PDE3B: variants seen among roughly 807,000 people sequenced by gnomAD.
PDE3B encodes cGMP-inhibited 3',5'-cyclic phosphodiesterase 3B.
A neutral mutation model predicts 116.8 loss-of-function variants in PDE3B; 66 were observed. That is an observed-to-expected ratio of 0.56 (90% CI 0.46 to 0.69). The LOEUF is 0.69. Ranked by LOEUF, PDE3B falls within the 30% of genes least tolerant of loss-of-function variation. The pLI is 0.00. For missense variants in PDE3B, 1,384 were observed against 1,368.1 expected (o/e 1.01, Z -0.18); for synonymous variants, 595 against 533.6 (o/e 1.12, Z -1.59).
chr11:14,834,887 A>T (rs1860005977), intron 10 of PDE3B, 95 bp from the exon 11 acceptor site: 2 of 553,180 alleles, frequency 3.6e-6, no homozygotes, highest in African/African-American at 1.9e-5. Context: ...AGTCTGTCAC[A>T]TCTTTTTTAT....
chr11:14,856,827 C>T (rs1162209429), intron 12 of PDE3B, among the ~76,000 whole-genome samples: 2 of 149,234 alleles, frequency 1.3e-5, no homozygotes, highest in Non-Finnish European at 3.0e-5. Context: ...GCACTCTAGC[C>T]TGGGCAACAG....
chr11:14,667,509 TA>T (rs553034083), intron 1 of PDE3B, among the ~76,000 whole-genome samples: 3 of 151,062 alleles, frequency 2.0e-5, no homozygotes, highest in African/African-American at 7.3e-5. Flanking sequence ...TATGCAGCCA[TA>T]AAAAAGGATG....
chr11:14,792,797 C>G (rs968028412), intron 4 of PDE3B, among the ~76,000 whole-genome samples: 1 of 152,144 alleles, frequency 6.6e-6, no homozygotes, highest in Non-Finnish European at 1.5e-5. Context: ...TGGAATAGAT[C>G]TCAACTTCAG....
chr11:14,802,421 C>A (rs889435945), intron 4 of PDE3B, among the ~76,000 whole-genome samples: 2 of 152,150 alleles, frequency 1.3e-5, no homozygotes, highest in African/African-American at 4.8e-5. Flanking sequence ...CAACCTCTTG[C>A]CCTTCCCAAG....
the PDE3B span, chr11:14,890,772 T>G: frequency 1.5e-6 from 1 of 673,632 alleles, no homozygotes; most frequent in Non-Finnish European, 1.8e-6. Context: ...ACGGTCTCGA[T>G]CTCCTGATTT....
intron 2 of PDE3B, among the ~76,000 whole-genome samples, chr11:14,777,793 G>A (rs1285883963): frequency 6.6e-6 from 1 of 152,152 alleles, no homozygotes; most frequent in Non-Finnish European, 1.5e-5. Context: ...TCTGGGGCTT[G>A]TCAGACATGG....
chr11:14,867,676 T>C lies in PDE3B; in HGVS notation c.3057T>C (p.Asp1019=). Residue 1019 remains aspartate (D), a synonymous_variant, in exon 15 of 16, where the codon GAT becomes GAC. Transcript: ENST00000282096. ...GTCAGTGGTTAGAAGCAGAAGAGGA[T>C]AATGATACTGAAAGTGGTGATGATG... The part of the protein sequence containing the change: ...LPGQWLEAEE[D]NDTESGDDED... 6.2e-7 allele frequency: 1 copy of C among 1,613,978 alleles called. No homozygotes were observed. The highest frequency in any genetic ancestry group is 8.5e-7 in the Non-Finnish European group (1 of 1,179,860).
chr11:14,878,004 G>T, the PDE3B span: 1 of 1,037,224 alleles, frequency 9.6e-7, no homozygotes, highest in Non-Finnish European at 1.5e-6. Context: ...ACACATCTGT[G>T]TTCATTTGGC....
At chr11:14,878,338 A>T in the PDE3B span, 4 of 1,581,936 alleles carry the variant, frequency 2.5e-6, no homozygotes, top group Middle Eastern at 1.7e-4. Context: ...TTAAACCCAC[A>T]ATCTTTACCA....
intron 3 of PDE3B, among the ~76,000 whole-genome samples, chr11:14,788,359 T>C (rs1858276309): frequency 6.6e-6 from 1 of 151,924 alleles, no homozygotes; most frequent in Non-Finnish European, 1.5e-5. Context: ...GATATTAACA[T>C]AAAGGACTTT....
chr11:14,667,424 TAAAGTA>T (rs1565082343), intron 1 of PDE3B, among the ~76,000 whole-genome samples: 1 of 149,230 alleles, frequency 6.7e-6, no homozygotes, highest in Non-Finnish European at 1.5e-5. Flanking sequence ...CCCTAAAACT[TAAAGTA>T]TAATAATAAT....
chr11:14,675,705 A>T (rs939795962), intron 1 of PDE3B, among the ~76,000 whole-genome samples: 1 of 152,136 alleles, frequency 6.6e-6, no homozygotes, highest in Admixed American at 6.5e-5. Flanking sequence ...GAATATATTC[A>T]ATGAATATGT....
At position 14,644,860 on chromosome 11, in the gene PDE3B, G is replaced by A; in HGVS notation, c.785G>A (p.Gly262Glu). 8 of 1,613,698 alleles carry A rather than the reference G, an allele frequency of 5.0e-6. No individual in the cohort carries two copies. Among genetic ancestry groups the A allele is most frequent in the Non-Finnish European group, 6.8e-6 (8 of 1,179,814 alleles). ...GGCGCTGGCTGCCTGCTGGCCCTGG[G>A]GTTGGATCACTTCTTTCAAATCAGG... ...VGGAGCLLAL[G>E]LDHFFQIREA... Residue 262 changes from glycine to glutamate, a missense_variant, in exon 1 of 16, where the codon GGG becomes GAG. Gly to Glu is a moderately conservative substitution (Grantham distance 98). This residue lies in a region of PDE3B where 956 missense variants were observed against 806.8 expected (regional missense o/e 1.18). Coordinates refer to ENST00000282096, the MANE Select transcript of PDE3B (RefSeq NM_000922.4).
chr11:14,704,465 G>A (rs1017763730), intron 1 of PDE3B, among the ~76,000 whole-genome samples: 2 of 151,670 alleles, frequency 1.3e-5, no homozygotes, highest in South Asian at 2.1e-4. Flanking sequence ...CAAAATGTAT[G>A]TGGAAAGACA....
chr11:14,743,325 C>T (rs926196687), intron 1 of PDE3B, among the ~76,000 whole-genome samples: 1 of 152,124 alleles, frequency 6.6e-6, no homozygotes, highest in Non-Finnish European at 1.5e-5. Flanking sequence ...TGGGCTCCAC[C>T]CAGTTTGAAC....
intron 12 of PDE3B, among the ~76,000 whole-genome samples, chr11:14,850,145 AT>A (rs1217743168): frequency 2.6e-5 from 4 of 152,076 alleles, no homozygotes; most frequent in Non-Finnish European, 4.4e-5. Context: ...ACACCATGGA[AT>A]ACTATGCAGC....
intron 2 of PDE3B, chr11:14,774,541 A>C (rs1355062291): frequency 6.6e-6 from 1 of 152,192 alleles, no homozygotes; most frequent in Admixed American, 6.6e-5. Context: ...TGCCGTCCCC[A>C]GTGCTTCTCA....
At chr11:14,690,486 G>C (rs942609105) in intron 1 of PDE3B, among the ~76,000 whole-genome samples, 2 of 152,070 alleles carry the variant, frequency 1.3e-5, no homozygotes, top group African/African-American at 2.4e-5. Flanking sequence ...AAGTGTGTCA[G>C]GGAGTTTATT....
intron 1 of PDE3B, among the ~76,000 whole-genome samples, chr11:14,715,333 CTA>C: frequency 6.6e-6 from 1 of 152,238 alleles, no homozygotes; most frequent in South Asian, 2.1e-4. Flanking sequence ...GGCATTGGAT[CTA>C]TAAATTACCT....
Sources: gnomAD v4.1 joint callset for allele counts (sites outside exome capture counted in the v4.1 genomes callset) on GRCh38, gnomAD v4.1.1 for gene constraint, gnomAD v4.1.1 regional missense constraint, MANE v1.5 for transcripts, NCBI Gene and HGNC (gene_info 2026-07-23, HGNC 2026-07-21) for gene names.